MTCL1: variants seen among roughly 807,000 people sequenced by gnomAD.
MTCL1 encodes the protein microtubule crosslinking factor 1.
In MTCL1, 79 loss-of-function variants were observed where a neutral mutation model predicts 141.4. That is an observed-to-expected ratio of 0.56 (90% confidence interval 0.47 to 0.67). The LOEUF is 0.67. MTCL1 is among the 30% of genes least tolerant of loss of function. MTCL1 has a pLI of 0.00. For synonymous variants in MTCL1, 914 were observed against 875.8 expected (o/e 1.04, Z -0.77); for missense variants, 2,177 against 2,113.9 (o/e 1.03, Z -0.59).
intron 4 of MTCL1, among the ~76,000 whole-genome samples, chr18:8,764,174 G>A (rs993177749): frequency 1.3e-5 from 2 of 152,094 alleles, no homozygotes; most frequent in Admixed American, 1.3e-4. Context: ...AAAAAAAGGA[G>A]GGGGTGATTA....
chr18:8,794,280 T>G (rs12326073), intron 8 of MTCL1, among the ~76,000 whole-genome samples: 1 of 152,026 alleles, frequency 6.6e-6, no homozygotes, highest in African/African-American at 2.4e-5. Context: ...GGGTTAATGA[T>G]GAAGGAGTAT....
At chr18:8,706,436 C>G (rs1458021149) in exon 1 of MTCL1, 1 of 1,227,050 alleles carries the variant, frequency 8.1e-7, no homozygotes, top group African/African-American at 1.6e-5. Context: ...GCCCGAGGAG[C>G]GCCGCCGGGC....
upstream of MTCL1, among the ~76,000 whole-genome samples, chr18:8,715,018 G>C (rs528156142): frequency 1.2e-4 from 18 of 152,226 alleles, no homozygotes; most frequent in Admixed American, 4.6e-4. Flanking sequence ...GGATGGTCTT[G>C]ATCTCCTGAC....
exon 6 of MTCL1, chr18:8,784,223 C>T (rs2096542536): frequency 6.2e-7 from 1 of 1,611,038 alleles, no homozygotes; most frequent in East Asian, 2.2e-5. Context: ...GCGCTGCGAC[C>T]TGGCAGCCCA....
At chr18:8,818,530 A>C (rs1239073976) in intron 12 of MTCL1, among the ~76,000 whole-genome samples, 2 of 152,210 alleles carry the variant, frequency 1.3e-5, no homozygotes, top group Non-Finnish European at 2.9e-5. Flanking sequence ...TCAGATTCAC[A>C]CTCAGAAGTT....
chr18:8,738,321 T>C (rs2096284190), intron 4 of MTCL1, among the ~76,000 whole-genome samples: 1 of 152,244 alleles, frequency 6.6e-6, no homozygotes, highest in Non-Finnish European at 1.5e-5. Context: ...TACACATGTG[T>C]TTACATATAG....
rs1598526930 is a variant in MTCL1 at position 8,760,044 on chromosome 18, C to T, written c.358-17789C>T. 2.0e-5 allele frequency among the ~76,000 whole-genome samples: 3 copies of T among 152,268 alleles called. No homozygotes were observed. In the East Asian group the frequency reaches 5.8e-4, roughly 29 times the overall value. ...GAGAAGCGCTTAGACCCCTATTTGC[C>T]CCCTTTGGGAGTCACCAAAATCCCA... is the stretch of plus-strand genomic sequence containing the variant. On this transcript the variant is annotated intron_variant, in intron 4 of 16. Transcript: ENST00000359865.
At chr18:8,827,482 T>C (rs1282185289) in intron 15 of MTCL1, among the ~76,000 whole-genome samples, 2 of 152,248 alleles carry the variant, frequency 1.3e-5, no homozygotes, top group Admixed American at 1.3e-4. Flanking sequence ...GGCCTACATG[T>C]TCCAAGATCT....
chr18:8,818,815 T>C (rs1360416052), intron 12 of MTCL1, 148 bp from the exon 12 acceptor site: 12 of 869,838 alleles, frequency 1.4e-5, no homozygotes, highest in Admixed American at 2.4e-5. Context: ...ATTTTGAAAT[T>C]AAGATCAGAA....
exon 15 of MTCL1, chr18:8,826,012 C>T (rs114122418): frequency 1.2e-6 from 2 of 1,608,316 alleles, no homozygotes; most frequent in East Asian, 2.2e-5. Flanking sequence ...GGGGTGGGGT[C>T]AGAGATGTGC....
intron 4 of MTCL1, among the ~76,000 whole-genome samples, chr18:8,748,324 T>C (rs375756076): frequency 3.3e-5 from 5 of 152,104 alleles, no homozygotes; most frequent in East Asian, 1.9e-4. Flanking sequence ...GGAGGATCGC[T>C]TGAGCCCCCA....
chr18:8,797,110 C>T (rs576399398), intron 9 of MTCL1, among the ~76,000 whole-genome samples: 21 of 152,328 alleles, frequency 1.4e-4, no homozygotes, highest in African/African-American at 4.3e-4. Context: ...GTTCCGCTCC[C>T]GTCTCCTTTG....
chr18:8,754,936 G>A (rs1014514173), intron 4 of MTCL1, among the ~76,000 whole-genome samples: 4 of 152,134 alleles, frequency 2.6e-5, no homozygotes, highest in African/African-American at 9.7e-5. Context: ...TTTTTACCTG[G>A]TGGCATCAGA....
chr18:8,792,937 G>A (rs889180958), intron 7 of MTCL1, 61 bp from the exon 7 acceptor site: 34 of 1,597,928 alleles, frequency 2.1e-5, no homozygotes, highest in Middle Eastern at 4.4e-4. Context: ...TCTGTCCTGC[G>A]TCGTCACCTC....
At chr18:8,726,472 GGA>G (rs374393768) in intron 4 of MTCL1, among the ~76,000 whole-genome samples, 3,553 of 131,552 alleles carry the variant, frequency 0.027, 92 homozygotes, top group Middle Eastern at 0.065. Flanking sequence ...GAGAATAAGA[GGA>G]GAGAGAGAGA....
intron 13 of MTCL1, among the ~76,000 whole-genome samples, chr18:8,820,660 G>A (rs947627317): frequency 5.3e-5 from 8 of 152,168 alleles, no homozygotes; most frequent in Non-Finnish European, 8.8e-5. Context: ...TATACAGTCC[G>A]ATTACATAGT....
exon 15 of MTCL1, chr18:8,825,321 C>T: frequency 6.5e-7 from 1 of 1,538,364 alleles, no homozygotes; most frequent in Non-Finnish European, 8.7e-7. Context: ...TGCCTCCCCA[C>T]TGCACAGCCT....
rs1033808804 is a variant in MTCL1 at position 8,751,895 on chromosome 18, G to A, written c.358-25938G>A. On this transcript the variant is annotated intron_variant, in intron 4 of 16. Coordinates refer to ENST00000359865, the Ensembl canonical transcript of MTCL1. Reference sequence around the variant, plus strand: ...TGTTGAAGACTTAGCTCAGGGCAGCGGTGACGCGGAAAAGAAACGTTTAAG... The same window carrying A: ...TGTTGAAGACTTAGCTCAGGGCAGCAGTGACGCGGAAAAGAAACGTTTAAG... Among the ~76,000 whole-genome samples, 7 of 152,192 alleles carry A rather than the reference G, an allele frequency of 4.6e-5. No individual in the cohort carries two copies. In the East Asian group the frequency reaches 7.7e-4, roughly 17 times the overall value.
chr18:8,746,749 G>T (rs908005223), intron 4 of MTCL1, among the ~76,000 whole-genome samples: 1 of 152,174 alleles, frequency 6.6e-6, no homozygotes, highest in Non-Finnish European at 1.5e-5. Context: ...CCAGAGCTGG[G>T]CCTGGGCAGT....
Sources: gnomAD v4.1 joint callset for allele counts (sites outside exome capture counted in the v4.1 genomes callset) on GRCh38, gnomAD v4.1.1 for gene constraint, MANE v1.5 for transcripts, NCBI Gene and HGNC (gene_info 2026-07-23, HGNC 2026-07-21) for gene names.